B3GALT1: variants seen among roughly 807,000 people sequenced by gnomAD.
The protein encoded by B3GALT1 is beta-1,3-galactosyltransferase 1.
A neutral mutation model predicts 23.2 loss-of-function variants in B3GALT1; 10 were observed. The observed-to-expected ratio is 0.43, with a 90% CI of 0.27 to 0.73. The LOEUF (loss-of-function observed/expected upper bound fraction) is 0.73, where lower values mean the gene tolerates loss of function less well. Ranked by LOEUF, B3GALT1 falls within the 30% of genes least tolerant of loss-of-function variation. B3GALT1 has a pLI of 0.21. For missense variants in B3GALT1, 299 were observed against 405.4 expected, an observed-to-expected ratio of 0.74 and a Z score of 2.25; for synonymous variants, 156 against 141.5, an observed-to-expected ratio of 1.10 and a Z score of -0.73.
chr2:167,803,611 G>A (rs836683), intron 3 of B3GALT1, among the ~76,000 whole-genome samples: 28,998 of 152,100 alleles, frequency 0.19, 3,457 homozygotes, highest in African/African-American at 0.32. Flanking sequence ...GCCGCATCAA[G>A]ACAGGGTCTT....
In B3GALT1 at chr2:167,870,282, A is replaced by G; in HGVS notation, c.*262A>G. On this transcript the variant is annotated 3_prime_UTR_variant, in exon 5 of 5. Transcript: ENST00000392690. ...TATCTCAAAAAGTGACTTCCAAACA[A>G]CTCTTAGGATTGACGTACCGTGCAT... 1 of 337,060 alleles carries G rather than the reference A, an allele frequency of 3.0e-6. No homozygotes were observed. Among genetic ancestry groups the G allele is most frequent in the Admixed American group, 4.4e-5 (1 of 22,830 alleles). The allele number at this position is 337,060 out of a possible 1,614,324, so 20.9% of individuals were successfully genotyped here.
At position 167,567,828 on chromosome 2, in the gene B3GALT1, A is replaced by G. The variant is rs564147555; in HGVS notation, c.-410+77551A>G. Among the ~76,000 whole-genome samples the G allele has an allele frequency of 2.2e-3, 333 of 152,214 alleles. 6 individuals carry two copies. The highest frequency in any genetic ancestry group is 0.019 in the Admixed American group (285 of 15,278). On this transcript the variant is annotated intron_variant, in intron 2 of 4. Coordinates refer to ENST00000392690, the MANE Select transcript of B3GALT1 (RefSeq NM_020981.4). Reference sequence around the variant, plus strand: ...GACACATGTACAATGACGTATATTCACCATTATAGTATCATGCAGAATAGT... The same window carrying G: ...GACACATGTACAATGACGTATATTCGCCATTATAGTATCATGCAGAATAGT...
chr2:167,466,929 A>G (rs1330644125), intron 1 of B3GALT1, among the ~76,000 whole-genome samples: 7 of 102,846 alleles, frequency 6.8e-5, no homozygotes, highest in African/African-American at 2.6e-4. Flanking sequence ...GGGTTTCACC[A>G]TGTTGCCCAG....
At position 167,670,577 on chromosome 2, in the gene B3GALT1, T is replaced by C. The variant is rs144004319; in HGVS notation, c.-352+23611T>C. On this transcript the variant is annotated intron_variant, in intron 3 of 4. Transcript: ENST00000392690. Reference sequence around the variant, plus strand: ...ACAACCCCAAAGAAGTGGAGCTCTATGAACTGTCTGGCAAGTAGTTCAAAA... The same window carrying C: ...ACAACCCCAAAGAAGTGGAGCTCTACGAACTGTCTGGCAAGTAGTTCAAAA... Among the ~76,000 whole-genome samples, 575 of 152,322 alleles carry C rather than the reference T, an allele frequency of 3.8e-3. 5 individuals carry two copies. Among genetic ancestry groups the C allele is most frequent in the African/African-American group, 0.013 (529 of 41,586 alleles).
chr2:167,429,236 G>C (rs113924490), intron 1 of B3GALT1, among the ~76,000 whole-genome samples: 2 of 148,166 alleles, frequency 1.3e-5, no homozygotes, highest in South Asian at 4.2e-4. Flanking sequence ...AGCCGAGATC[G>C]CGCCGCTGCA....
At chr2:167,536,664 A>G (rs950142976) in intron 2 of B3GALT1, among the ~76,000 whole-genome samples, 1 of 152,196 alleles carries the variant, frequency 6.6e-6, no homozygotes, top group African/African-American at 2.4e-5. Context: ...AAAATGTGAA[A>G]GAAAAGCAGT....
chr2:167,555,510 G>A (rs536792710), intron 2 of B3GALT1, among the ~76,000 whole-genome samples: 1 of 152,182 alleles, frequency 6.6e-6, no homozygotes, highest in East Asian at 1.9e-4. Flanking sequence ...ACCACATCTG[G>A]AGCTATCTTT....
At chr2:167,307,111 A>G (rs1451444524) in intron 1 of B3GALT1, among the ~76,000 whole-genome samples, 2 of 152,006 alleles carry the variant, frequency 1.3e-5, no homozygotes, top group East Asian at 3.9e-4. Context: ...GATTTGATAT[A>G]TCCTAAAAAA....
At chr2:167,550,869 A>C (rs1683731733) in intron 2 of B3GALT1, among the ~76,000 whole-genome samples, 1 of 152,124 alleles carries the variant, frequency 6.6e-6, no homozygotes, top group African/African-American at 2.4e-5. Flanking sequence ...AAAACCACCA[A>C]TTTCAGTGAC....
At chr2:167,303,264 A>G (rs1696480839) in intron 1 of B3GALT1, among the ~76,000 whole-genome samples, 1 of 152,118 alleles carries the variant, frequency 6.6e-6, no homozygotes, top group Non-Finnish European at 1.5e-5. Flanking sequence ...TTTATAATAG[A>G]TAATATATTA....
intron 2 of B3GALT1, among the ~76,000 whole-genome samples, chr2:167,631,769 C>CTTTTTTTTTTT (rs558837779): frequency 8.3e-6 from 1 of 120,560 alleles, no homozygotes. Context: ...CTTTTCTTTT[C>CTTTTTTTTTTT]TTTTTTTTTT....
chr2:167,540,591 G>A (rs902652124), intron 2 of B3GALT1, among the ~76,000 whole-genome samples: 1 of 152,076 alleles, frequency 6.6e-6, no homozygotes, highest in Non-Finnish European at 1.5e-5. Context: ...CTTACTTTCT[G>A]TTCTATCTTA....
At chr2:167,370,401 G>A (rs2949009) in intron 1 of B3GALT1, among the ~76,000 whole-genome samples, 128,060 of 152,054 alleles carry the variant, frequency 0.84, 54,696 homozygotes, top group East Asian at 0.94. Flanking sequence ...TTCAACAAAG[G>A]TTTATTAAAC....
intron 4 of B3GALT1, among the ~76,000 whole-genome samples, chr2:167,821,922 G>A (rs971600829): frequency 3.9e-5 from 6 of 152,184 alleles, no homozygotes; most frequent in African/African-American, 1.2e-4. Context: ...GAAAAGGAAA[G>A]TTGGGAAGGG....
intron 2 of B3GALT1, among the ~76,000 whole-genome samples, chr2:167,641,373 A>G (rs1685650193): frequency 1.3e-5 from 2 of 152,100 alleles, no homozygotes; most frequent in Non-Finnish European, 2.9e-5. Flanking sequence ...AACGTTATCC[A>G]TCTTCCTAAA....
chr2:167,699,603 T>C (rs1419991056), intron 3 of B3GALT1, among the ~76,000 whole-genome samples: 4 of 152,164 alleles, frequency 2.6e-5, no homozygotes, highest in Admixed American at 1.3e-4. Flanking sequence ...GAATTGAATT[T>C]CATGAAAATT....
rs540328876 is a variant in B3GALT1, at chr2:167,660,780, T to A, written c.-352+13814T>A. ...CATTTTCTTTAGCTTATCAAACGAT[T>A]TTCACATAACTATAGGTTGACAGTG... On this transcript the variant is annotated intron_variant, in intron 3 of 4. Coordinates refer to ENST00000392690, the MANE Select transcript of B3GALT1 (RefSeq NM_020981.4). Among the ~76,000 whole-genome samples, 3 of 152,234 alleles carry A rather than the reference T, an allele frequency of 2.0e-5. No homozygotes were observed. The South Asian group carries it at 6.2e-4, about 32-fold the overall frequency.
intron 4 of B3GALT1, among the ~76,000 whole-genome samples, chr2:167,826,124 G>T (rs1689218740): frequency 6.6e-6 from 1 of 152,088 alleles, no homozygotes; most frequent in Non-Finnish European, 1.5e-5. Flanking sequence ...CTCTGCATTT[G>T]GTTTCTACAT....
intron 3 of B3GALT1, among the ~76,000 whole-genome samples, chr2:167,664,455 G>A (rs1686134251): frequency 6.6e-6 from 1 of 151,854 alleles, no homozygotes; most frequent in South Asian, 2.1e-4. Context: ...GCTCTTTTTT[G>A]GTTCTATATG....
Sources: allele counts gnomAD v4.1 joint callset (sites outside exome capture counted in the v4.1 genomes callset), GRCh38; gene constraint gnomAD v4.1.1; transcripts MANE v1.5; gene names NCBI Gene and HGNC (gene_info 2026-07-23, HGNC 2026-07-21).